Variants in LRBA observed in about 807,000 individuals in gnomAD.
LRBA encodes the protein lipopolysaccharide-responsive and beige-like anchor protein.
Under a neutral mutation model 330.0 loss-of-function variants are expected in LRBA, and 176 were observed. The ratio of observed to expected loss-of-function variants is 0.53; its 90% CI spans 0.47 to 0.60. The LOEUF is 0.60. LRBA is among the 20% of genes least tolerant of loss of function. The pLI is 0.00. For synonymous variants in LRBA, 1,230 were observed against 1,193.0 expected (o/e 1.03, Z -0.64); for missense variants, 3,259 against 3,444.8 (o/e 0.95, Z 1.35).
chr4:150,996,363 C>G (rs534424699), intron 2 of LRBA, among the ~76,000 whole-genome samples: 156 of 152,206 alleles, frequency 1.0e-3, no homozygotes, highest in African/African-American at 3.6e-3. Flanking sequence ...TATTCCTACC[C>G]TCAGACTAAG....
chr4:151,001,698 C>T (rs1487317995), intron 2 of LRBA, among the ~76,000 whole-genome samples: 1 of 152,124 alleles, frequency 6.6e-6, no homozygotes, highest in East Asian at 1.9e-4. Flanking sequence ...CCATACTATG[C>T]TGGCTACCCA....
At chr4:150,490,880 A>G in intron 41 of LRBA, 38 bp downstream of exon 41, 1 of 1,206,954 alleles carries the variant, frequency 8.3e-7, no homozygotes, top group Non-Finnish European at 1.2e-6. Context: ...AAGAGATGGA[A>G]GTTAGCTCTG....
chr4:150,814,860 C>T (rs1744324472), intron 31 of LRBA, among the ~76,000 whole-genome samples: 1 of 151,838 alleles, frequency 6.6e-6, no homozygotes, highest in African/African-American at 2.4e-5. Context: ...ATTCTGCATA[C>T]AGTTTTTCAA....
At chr4:150,697,594 A>G (rs1664463258) in intron 36 of LRBA, among the ~76,000 whole-genome samples, 1 of 151,988 alleles carries the variant, frequency 6.6e-6, no homozygotes, top group Non-Finnish European at 1.5e-5. Context: ...TTTTTTTACC[A>G]ATTACCTTCA....
rs550051229 is a variant in LRBA at position 150,335,517 on chromosome 4, G to A, written c.7363-9619C>T. On this transcript the variant is annotated intron_variant, in intron 48 of 56. Transcript: ENST00000651943. The stretch of plus-strand genomic sequence containing the variant: ...TATATATATATACACACACATATAC[G>A]TATTATATATGTGTGTATATATATA... Among the ~76,000 whole-genome samples the A allele has an allele frequency of 1.9e-4, 27 of 140,854 alleles. 1 individual carries two copies. The highest frequency in any genetic ancestry group is 5.9e-4 in the African/African-American group (22 of 37,280). 92.4% of individuals were successfully genotyped at this position (140,854 alleles called of 152,430 possible). A position where few individuals can be genotyped will look rare whatever the true frequency, so the allele number is the denominator to read the frequency against.
At chr4:150,576,678 A>G (rs180840675) in intron 40 of LRBA, among the ~76,000 whole-genome samples, 29 of 152,074 alleles carry the variant, frequency 1.9e-4, no homozygotes, top group Non-Finnish European at 3.4e-4. Flanking sequence ...ATATAATACA[A>G]GAATTATATT....
chr4:150,977,657 A>C (rs1452893430), intron 2 of LRBA, among the ~76,000 whole-genome samples: 1 of 152,208 alleles, frequency 6.6e-6, no homozygotes, highest in Admixed American at 6.5e-5. Flanking sequence ...CCTGGGCCAG[A>C]AGAGAGCCTG....
intron 42 of LRBA, among the ~76,000 whole-genome samples, chr4:150,483,967 C>A (rs908846706): frequency 5.9e-5 from 9 of 152,006 alleles, no homozygotes; most frequent in African/African-American, 1.9e-4. Context: ...GTTTTATATA[C>A]TGACCCAGTA....
At chr4:150,810,937 C>G (rs1472908612) in intron 31 of LRBA, among the ~76,000 whole-genome samples, 1 of 152,150 alleles carries the variant, frequency 6.6e-6, no homozygotes, top group East Asian at 1.9e-4. Context: ...AATATCAATT[C>G]ACATTTCATC....
chr4:150,709,110 C>T (rs1422950332), intron 36 of LRBA, among the ~76,000 whole-genome samples: 1 of 151,782 alleles, frequency 6.6e-6, no homozygotes, highest in Non-Finnish European at 1.5e-5. Context: ...TTCATTATAT[C>T]CATTTCATAG....
Position 150,929,074 on chromosome 4 carries a change from G to T in LRBA, c.217-9C>A. On this transcript the variant is annotated splice_polypyrimidine_tract_variant and intron_variant, in intron 2 of 56. Transcript: ENST00000651943. ...AACTGTCCTCCTACCAACTTACAAGGAAAAAAAAAAAACACATTAAAAGCA... is the reference window on the plus strand; with the variant it reads ...AACTGTCCTCCTACCAACTTACAAGTAAAAAAAAAAAACACATTAAAAGCA... 2.4e-6 allele frequency: 3 copies of T among 1,234,848 alleles called. No homozygotes were observed. The highest frequency in any genetic ancestry group is 2.2e-6 in the Non-Finnish European group (2 of 906,254). 76.5% of individuals were successfully genotyped at this position (1,234,848 alleles called of 1,614,324 possible).
chr4:150,346,178 A>G (rs1736270623), intron 48 of LRBA, among the ~76,000 whole-genome samples: 1 of 152,194 alleles, frequency 6.6e-6, no homozygotes, highest in South Asian at 2.1e-4. Flanking sequence ...AGTGCTAAGT[A>G]ACAAAGCGAT....
intron 2 of LRBA, among the ~76,000 whole-genome samples, chr4:150,985,033 G>A (rs2149612415): frequency 6.6e-6 from 1 of 152,290 alleles, no homozygotes; most frequent in East Asian, 1.9e-4. Flanking sequence ...CAAGGCGGGT[G>A]GATCACCTAA....
intron 40 of LRBA, among the ~76,000 whole-genome samples, chr4:150,499,772 C>A (rs77783388): frequency 0.15 from 22,399 of 151,966 alleles, 1,678 homozygotes; most frequent in Middle Eastern, 0.18. Context: ...GAATATTTCA[C>A]AATAAGTACT....
chr4:150,406,180 T>G lies in LRBA; in HGVS notation c.7194+9258A>C, dbSNP rs149016248. 1.9e-3 allele frequency among the ~76,000 whole-genome samples: 288 copies of G among 151,920 alleles called. 3 individuals carry two copies. Among genetic ancestry groups the G allele is most frequent in the Admixed American group, 4.1e-3 (63 of 15,268 alleles). On this transcript the variant is annotated intron_variant, in intron 47 of 56. Transcript: ENST00000651943. ...ATATTATTTAATACAACAAAGATGA[T>G]AAAGGAGGAACAGAAAAACAAAAAG... is the stretch of plus-strand genomic sequence containing the variant.
chr4:150,838,656 A>G (rs1468959823), intron 28 of LRBA, among the ~76,000 whole-genome samples: 1 of 151,926 alleles, frequency 6.6e-6, no homozygotes, highest in East Asian at 1.9e-4. Flanking sequence ...TCCTTTAAGG[A>G]CTTCTCTACA....
intron 46 of LRBA, among the ~76,000 whole-genome samples, chr4:150,417,167 CATG>C (rs1159470607): frequency 6.6e-6 from 1 of 152,004 alleles, no homozygotes. Context: ...TTAGCATTTT[CATG>C]ATGAGAAAAC....
At chr4:150,787,037 GC>G (rs1739172965) in intron 34 of LRBA, among the ~76,000 whole-genome samples, 1 of 152,192 alleles carries the variant, frequency 6.6e-6, no homozygotes, top group African/African-American at 2.4e-5. Context: ...TTCAAGACCA[GC>G]CTGGCCAACA....
intron 42 of LRBA, among the ~76,000 whole-genome samples, chr4:150,477,369 T>A (rs980234245): frequency 6.6e-6 from 1 of 152,076 alleles, no homozygotes; most frequent in African/African-American, 2.4e-5. Flanking sequence ...GACTTATAGT[T>A]CCACATGGCT....
Sources: allele counts gnomAD v4.1 joint callset (sites outside exome capture counted in the v4.1 genomes callset), GRCh38; gene constraint gnomAD v4.1.1; transcripts MANE v1.5; gene names NCBI Gene and HGNC (gene_info 2026-07-23, HGNC 2026-07-21).